INPP5D: variants seen among roughly 807,000 people sequenced by gnomAD.
INPP5D encodes inositol polyphosphate-5-phosphatase D.
A neutral mutation model predicts 122.9 loss-of-function variants in INPP5D; 33 were observed. The observed-to-expected ratio is 0.27, with a 90% CI of 0.20 to 0.36. The LOEUF (loss-of-function observed/expected upper bound fraction) is 0.36. INPP5D is among the 10% of genes least tolerant of loss of function. The pLI is 1.00. For synonymous variants in INPP5D, 584 were observed against 576.2 expected, an observed-to-expected ratio of 1.01 and a Z score of -0.19; for missense variants, 1,053 against 1,412.7, an observed-to-expected ratio of 0.75 and a Z score of 4.08.
In INPP5D at chr2:233,201,658, G is replaced by A. The variant is rs1225879212; in HGVS notation, c.2976-2468G>A. On this transcript the variant is annotated intron_variant, in intron 25 of 26. Coordinates refer to ENST00000445964, the MANE Select transcript of INPP5D (RefSeq NM_001017915.3). ...TGACCTTCCCGGTTTGCCAAGTACT[G>A]TCCCAGTTTTAGCACTGAAAGTCCC... 2.0e-5 allele frequency among the ~76,000 whole-genome samples: 3 copies of A among 152,342 alleles called. No individual in the cohort carries two copies. In the East Asian group the frequency reaches 5.8e-4, roughly 29 times the overall value.
rs191812196 is a variant in INPP5D at position 233,192,161 on chromosome 2, G to A, written c.2447-1651G>A. ...TGATGGCCCTAATAGGGATCCCCTCGTCACGGATGCAAGAGCATCTGAATG... is the reference window on the plus strand; with the variant it reads ...TGATGGCCCTAATAGGGATCCCCTCATCACGGATGCAAGAGCATCTGAATG... On this transcript the variant is annotated intron_variant, in intron 22 of 26. Transcript: ENST00000445964. 1.8e-4 allele frequency among the ~76,000 whole-genome samples: 27 copies of A among 152,306 alleles called. No individual in the cohort carries two copies. In the East Asian group the frequency reaches 2.3e-3, roughly 13 times the overall value.
chr2:233,070,115 C>G (rs1324190192), intron 1 of INPP5D, among the ~76,000 whole-genome samples: 1 of 152,184 alleles, frequency 6.6e-6, no homozygotes, highest in Non-Finnish European at 1.5e-5. Context: ...CATAATCCCT[C>G]TTTCGTGAAT....
In INPP5D at chr2:233,184,511, C is replaced by G; in HGVS notation, c.2265C>G (p.Ser755Arg). ...QTKFYLEFHS[S>R]CLESFVKSQE... ...AATTCTACCTGGAGTTCCACTCGAG[C>G]TGCTTGGAGAGTAAGTGGCTGCTGA... Residue 755 changes from serine (S) to arginine (R), a missense_variant, in exon 20 of 27, where the codon AGC (serine) becomes AGG (arginine). Ser to Arg is a moderately radical substitution (Grantham distance 110). This residue lies in a region of INPP5D where 258 missense variants were observed against 439.1 expected (regional missense o/e 0.59). Transcript: ENST00000445964. The G allele has an allele frequency of 3.1e-6, 5 of 1,613,980 alleles. No individual in the cohort carries two copies. The highest frequency in any genetic ancestry group is 4.2e-6 in the Non-Finnish European group (5 of 1,179,870).
chr2:233,157,893 C>T (rs1166799309), intron 9 of INPP5D, among the ~76,000 whole-genome samples: 3 of 151,538 alleles, frequency 2.0e-5, no homozygotes, highest in Non-Finnish European at 4.4e-5. Context: ...AACAACTTGA[C>T]TCTTTTAATT....
intron 6 of INPP5D, 147 bp from the exon 7 acceptor site, chr2:233,146,015 C>T (rs1328074285): frequency 2.8e-6 from 2 of 702,156 alleles, no homozygotes; most frequent in Non-Finnish European, 5.2e-6. Flanking sequence ...TCCCTGTGTC[C>T]TCATCTGCCA....
chr2:233,072,358 A>T (rs1349673526), intron 1 of INPP5D, among the ~76,000 whole-genome samples: 1 of 152,172 alleles, frequency 6.6e-6, no homozygotes, highest in Non-Finnish European at 1.5e-5. Flanking sequence ...ATGTGAAACC[A>T]TTTTGCATGA....
chr2:233,077,118 C>G lies in INPP5D; in HGVS notation c.135-2217C>G, dbSNP rs1044889594. 2.7e-4 allele frequency among the ~76,000 whole-genome samples: 41 copies of G among 152,178 alleles called. 1 individual carries two copies. The highest frequency in any genetic ancestry group is 2.0e-4 in the Admixed American group (3 of 15,288). On this transcript the variant is annotated intron_variant, in intron 1 of 26. Transcript: ENST00000445964. Reference sequence around the variant, plus strand: ...TCTCTCACTTGGCTTGAGAAGACCTCTATGATCTTTTTTGGTGAAAAAAAC... The same window carrying G: ...TCTCTCACTTGGCTTGAGAAGACCTGTATGATCTTTTTTGGTGAAAAAAAC...
In INPP5D at chr2:233,189,228, C is replaced by A. The variant is rs998915682; in HGVS notation, c.2359-622C>A. On this transcript the variant is annotated intron_variant, in intron 21 of 26. Coordinates refer to ENST00000445964, the MANE Select transcript of INPP5D (RefSeq NM_001017915.3). This position sits in a 1 kb window ranked among gnomAD's most constrained non-coding sequence, Gnocchi z 5.6. ...CTCCCCAGCTCTGGAAACTTGCTCG[C>A]AGATGGAATGTGGGAGCCTGTGTCT... 1.1e-4 allele frequency among the ~76,000 whole-genome samples: 16 copies of A among 152,338 alleles called. No individual in the cohort carries two copies. The highest frequency in any genetic ancestry group is 3.8e-4 in the African/African-American group (16 of 41,574).
intron 1 of INPP5D, among the ~76,000 whole-genome samples, chr2:233,067,728 T>C (rs1691265943): frequency 6.6e-6 from 1 of 152,220 alleles, no homozygotes; most frequent in Admixed American, 6.5e-5. Flanking sequence ...GCCATCCTAG[T>C]GGGTGTGAAG....
rs532033845 is a variant in INPP5D, at chr2:233,194,452, A to G, written c.2596+491A>G. ...TCGTACGTACCTAAACCCTGCCCTC[A>G]TGGTGCCCACCCAGGTTTCTGTACC... On this transcript the variant is annotated intron_variant, in intron 23 of 26. Transcript: ENST00000445964. Among the ~76,000 whole-genome samples the G allele has an allele frequency of 4.2e-5, 6 of 142,418 alleles. No individual in the cohort carries two copies. In the South Asian group the frequency reaches 1.4e-3, roughly 32 times the overall value. 93.4% of individuals were successfully genotyped at this position (142,418 alleles called of 152,430 possible).
chr2:233,079,539 T>C, intron 2 of INPP5D, 141 bp downstream of exon 2: 1 of 654,562 alleles, frequency 1.5e-6, no homozygotes, highest in Admixed American at 2.4e-5. Context: ...CTCCCAGGTG[T>C]CCATGGGGTG....
chr2:233,065,642 TCTTTCTTTC>T (rs1384575160), intron 1 of INPP5D, among the ~76,000 whole-genome samples: 60 of 12,328 alleles, frequency 4.9e-3, no homozygotes, highest in Admixed American at 6.2e-3. Flanking sequence ...TTTCTTTCTT[TCTTTCTTTC>T]TTTTTTTTTT....
chr2:233,138,912 A>ATTTTTTTTTTT (rs759201099), intron 5 of INPP5D, among the ~76,000 whole-genome samples: 1 of 140,430 alleles, frequency 7.1e-6, no homozygotes. Flanking sequence ...CACCTGGCTA[A>ATTTTTTTTTTT]TTTTTTTTTT....
chr2:233,156,583 C>T (rs946792566), intron 9 of INPP5D, among the ~76,000 whole-genome samples: 1 of 152,200 alleles, frequency 6.6e-6, no homozygotes, highest in African/African-American at 2.4e-5. Flanking sequence ...GCATGAGCCA[C>T]CGCGCCTGGC....
chr2:233,207,759 T>C lies in INPP5D; in HGVS notation c.*1051T>C, dbSNP rs1574813446. 2 of 152,504 alleles carry C rather than the reference T, an allele frequency of 1.3e-5. No individual in the cohort carries two copies. Among genetic ancestry groups the C allele is most frequent in the East Asian group, 1.9e-4 (1 of 5,322 alleles). 9.4% of individuals were successfully genotyped at this position (152,504 alleles called of 1,614,324 possible). On this transcript the variant is annotated 3_prime_UTR_variant, in exon 27 of 27. Transcript: ENST00000445964. This position sits in a 1 kb window ranked among gnomAD's most constrained non-coding sequence, Gnocchi z 4.6. ...GGTTATTAGGAGAATAGATGGGTGA[T>C]GTCTTTCCTTATGTTGCTTTTTCAA...
At chr2:233,113,810 G>A (rs1394779702) in intron 2 of INPP5D, among the ~76,000 whole-genome samples, 1 of 151,982 alleles carries the variant, frequency 6.6e-6, no homozygotes, top group African/African-American at 2.4e-5. Flanking sequence ...GACGCCCAGC[G>A]TCCACACCGT....
At chr2:233,065,371 A>G (rs4581888) in intron 1 of INPP5D, among the ~76,000 whole-genome samples, 21,824 of 137,650 alleles carry the variant, frequency 0.16, 1,820 homozygotes, top group Non-Finnish European at 0.19. Flanking sequence ...GCAGTGGTGC[A>G]ATCTTGGTTC....
chr2:233,145,727 GA>G (rs1229601385), intron 6 of INPP5D, among the ~76,000 whole-genome samples: 1 of 152,084 alleles, frequency 6.6e-6, no homozygotes, highest in Non-Finnish European at 1.5e-5. Flanking sequence ...TAGGACCTCG[GA>G]GGGCAGGGAA....
intron 2 of INPP5D, among the ~76,000 whole-genome samples, chr2:233,119,979 C>T (rs375104514): frequency 3.9e-5 from 6 of 152,234 alleles, no homozygotes; most frequent in African/African-American, 9.6e-5. Context: ...GAAAGGCCAA[C>T]GCTTGGCCCA....
Sources: allele counts gnomAD v4.1 joint callset (sites outside exome capture counted in the v4.1 genomes callset), GRCh38; gene constraint gnomAD v4.1.1; regional missense constraint gnomAD v4.1.1; non-coding constraint Gnocchi (gnomAD v3.1); transcripts MANE v1.5; gene names NCBI Gene and HGNC (gene_info 2026-07-23, HGNC 2026-07-21).